The following SGCZ variants were observed in gnomAD, a reference collection of about 807,000 sequenced individuals.
The protein encoded by SGCZ is zeta-sarcoglycan.
SGCZ carries 40 observed loss-of-function variants against 41.3 expected under a neutral mutation model. The observed-to-expected ratio is 0.97, with a 90% CI of 0.75 to 1.26. The LOEUF is 1.26. Ranked by LOEUF, SGCZ falls within the 50% of genes most tolerant of loss-of-function variation. The pLI is 0.00. For missense variants in SGCZ, 552 were observed against 369.8 expected, an observed-to-expected ratio of 1.49 and a Z score of -4.04; for synonymous variants, 206 against 137.5, an observed-to-expected ratio of 1.50 and a Z score of -3.49.
intron 5 of SGCZ, among the ~76,000 whole-genome samples, chr8:14,153,694 G>A (rs1406721475): frequency 6.6e-6 from 1 of 151,958 alleles, no homozygotes; most frequent in East Asian, 1.9e-4. Context: ...AGGGAAAGAG[G>A]CTAAGGACCA....
chr8:14,821,606 G>C (rs1190004211), intron 1 of SGCZ, among the ~76,000 whole-genome samples: 1 of 151,966 alleles, frequency 6.6e-6, no homozygotes, highest in Non-Finnish European at 1.5e-5. Context: ...ACATTAAAAA[G>C]ATCAGGCACT....
chr8:14,828,025 C>T (rs1484853831), intron 1 of SGCZ, among the ~76,000 whole-genome samples: 1 of 152,134 alleles, frequency 6.6e-6, no homozygotes, highest in Admixed American at 6.5e-5. Context: ...TCTGACAGGA[C>T]CTCAACTGAA....
intron 1 of SGCZ, among the ~76,000 whole-genome samples, chr8:14,794,881 T>A (rs546074209): frequency 2.2e-4 from 34 of 152,274 alleles, no homozygotes; most frequent in Admixed American, 1.6e-3. Flanking sequence ...AGTCAAGAAA[T>A]GCCTTTAAAA....
intron 2 of SGCZ, among the ~76,000 whole-genome samples, chr8:14,379,320 A>G (rs956781818): frequency 9.9e-5 from 15 of 152,206 alleles, no homozygotes; most frequent in African/African-American, 3.6e-4. Context: ...AATAGCCTTC[A>G]TAGATTTCAC....
intron 2 of SGCZ, among the ~76,000 whole-genome samples, chr8:14,499,927 A>G (rs771010863): frequency 6.6e-6 from 1 of 152,090 alleles, no homozygotes; most frequent in Non-Finnish European, 1.5e-5. Context: ...TAGATCCTCA[A>G]ATTCTATTGG....
chr8:14,164,582 G>A lies in SGCZ; in HGVS notation c.545C>T (p.Thr182Ile). Reference sequence around the variant, plus strand: ...TTCAAGACCTCCATCTACAGTACCTGTAACTTTCAGCTTTTCAGCCCCAAT... The same window carrying A: ...TTCAAGACCTCCATCTACAGTACCTATAACTTTCAGCTTTTCAGCCCCAAT... ...ITIGAEKLKV[T>I]GTEGAVFGHS... The change falls in exon 5 of 8, where the codon ACA (threonine) becomes ATA (isoleucine). Residue 182 changes from threonine (T) to isoleucine (I), a missense_variant and splice_region_variant. By Grantham distance (89) the Thr-to-Ile change is moderately conservative (BLOSUM62 -1). Transcript: ENST00000382080. The A allele has an allele frequency of 6.2e-7, 1 of 1,613,258 alleles. No homozygotes were observed. The highest frequency in any genetic ancestry group is 8.5e-7 in the Non-Finnish European group (1 of 1,179,496).
At chr8:14,540,716 G>T (rs571222751) in intron 2 of SGCZ, among the ~76,000 whole-genome samples, 10 of 151,704 alleles carry the variant, frequency 6.6e-5, no homozygotes, top group Admixed American at 3.3e-4. Flanking sequence ...TTATATTGAG[G>T]ATAGTAGTCA....
chr8:14,682,694 A>T (rs1808489084), intron 1 of SGCZ, among the ~76,000 whole-genome samples: 1 of 152,180 alleles, frequency 6.6e-6, no homozygotes, highest in African/African-American at 2.4e-5. Context: ...TCGGCCTCCC[A>T]AAGTGCTGGG....
At chr8:14,182,442 G>C (rs539907368) in intron 4 of SGCZ, among the ~76,000 whole-genome samples, 5 of 152,088 alleles carry the variant, frequency 3.3e-5, no homozygotes, top group Admixed American at 6.5e-5. Flanking sequence ...GAGGCAGCGA[G>C]GATCTCCAAA....
intron 1 of SGCZ, among the ~76,000 whole-genome samples, chr8:14,896,382 A>C (rs1410799384): frequency 2.0e-5 from 3 of 152,180 alleles, no homozygotes; most frequent in Non-Finnish European, 4.4e-5. Flanking sequence ...TGTCAGGCAG[A>C]GTTACTGGGG....
chr8:15,063,155 T>A (rs576001802), intron 1 of SGCZ, among the ~76,000 whole-genome samples: 2 of 152,260 alleles, frequency 1.3e-5, no homozygotes, highest in East Asian at 3.9e-4. Context: ...TATGTATGAT[T>A]TCCCACTAGT....
intron 1 of SGCZ, among the ~76,000 whole-genome samples, chr8:14,817,675 G>T (rs1252151537): frequency 2.6e-5 from 4 of 152,152 alleles, no homozygotes; most frequent in African/African-American, 9.7e-5. Flanking sequence ...AACCCACATG[G>T]CACCACCCTC....
chr8:14,958,727 T>C (rs1800871222), intron 1 of SGCZ, among the ~76,000 whole-genome samples: 2 of 152,100 alleles, frequency 1.3e-5, no homozygotes, highest in Non-Finnish European at 2.9e-5. Context: ...ATCTCAAAAG[T>C]ATAAAAACTA....
chr8:15,175,225 T>A (rs1799960413), intron 1 of SGCZ, among the ~76,000 whole-genome samples: 1 of 152,096 alleles, frequency 6.6e-6, no homozygotes, highest in East Asian at 1.9e-4. Context: ...TAAAGACACA[T>A]GCATGCTTGT....
chr8:14,874,769 C>T (rs1563331093), intron 1 of SGCZ, among the ~76,000 whole-genome samples: 1 of 152,080 alleles, frequency 6.6e-6, no homozygotes, highest in Admixed American at 6.6e-5. Context: ...AAAAAAGACA[C>T]ATGTCTTGTG....
intron 1 of SGCZ, among the ~76,000 whole-genome samples, chr8:14,738,551 A>C (rs1799113581): frequency 6.6e-6 from 1 of 152,022 alleles, no homozygotes; most frequent in Non-Finnish European, 1.5e-5. Context: ...AGCTCGTAAA[A>C]TTTCCTCTGC....
At chr8:14,997,327 G>T (rs960568755) in intron 1 of SGCZ, among the ~76,000 whole-genome samples, 1 of 152,114 alleles carries the variant, frequency 6.6e-6, no homozygotes, top group Non-Finnish European at 1.5e-5. Context: ...GCAAAGGACT[G>T]AAAATATTTC....
At chr8:15,170,741 T>C (rs1218911316) in intron 1 of SGCZ, among the ~76,000 whole-genome samples, 1 of 152,218 alleles carries the variant, frequency 6.6e-6, no homozygotes, top group African/African-American at 2.4e-5. Context: ...TATCTTTGTA[T>C]ATAGTCTTAC....
chr8:14,355,144 A>C (rs1803248326), intron 2 of SGCZ, among the ~76,000 whole-genome samples: 1 of 151,998 alleles, frequency 6.6e-6, no homozygotes, highest in Admixed American at 6.6e-5. Context: ...TCTTTATTAC[A>C]CATTTTGTTC....
Sources: allele counts gnomAD v4.1 joint callset (sites outside exome capture counted in the v4.1 genomes callset), GRCh38; gene constraint gnomAD v4.1.1; transcripts MANE v1.5; gene names NCBI Gene and HGNC (gene_info 2026-07-23, HGNC 2026-07-21).